MLLT10: variants seen among roughly 807,000 people sequenced by gnomAD.
MLLT10 encodes MLLT10 histone lysine methyltransferase DOT1L cofactor, also known as protein AF-10.
In MLLT10, 30 loss-of-function variants were observed where a neutral mutation model predicts 129.1. The observed-to-expected ratio is 0.23, with a 90% CI of 0.17 to 0.32. The LOEUF is 0.32. MLLT10 is among the 10% of genes least tolerant of loss of function. The pLI, the probability that MLLT10 is intolerant of heterozygous loss-of-function variation, is 1.00. For missense variants in MLLT10, 1,119 were observed against 1,268.3 expected, an observed-to-expected ratio of 0.88 and a Z score of 1.79; for synonymous variants, 490 against 446.4, an observed-to-expected ratio of 1.10 and a Z score of -1.23.
Position 21,673,499 on chromosome 10 carries a change from A to G in MLLT10, c.1201A>G (p.Lys401Glu). 5.6e-6 allele frequency: 9 copies of G among 1,613,952 alleles called. No individual in the cohort carries two copies. The highest frequency in any genetic ancestry group is 7.6e-6 in the Non-Finnish European group (9 of 1,179,992). Reference sequence around the variant, plus strand: ...GTCATCAGCAACCAAAGATGTACATAAAGGAGAGTCTGGAAGCCAGGAAGG... The same window carrying G: ...GTCATCAGCAACCAAAGATGTACATGAAGGAGAGTCTGGAAGCCAGGAAGG... ...QQSSATKDVH[K>E]GESGSQEGGV... Residue 401 changes from lysine (K) to glutamate (E), a missense_variant, in exon 11 of 23, where the codon AAA becomes GAA. Around this residue, in one of 5 missense-constraint regions of MLLT10, gnomAD observed 1,004 missense variants for 1,008.7 expected, o/e 1.00. Coordinates refer to ENST00000307729, the MANE Select transcript of MLLT10 (RefSeq NM_001195626.3).
At chr10:21,640,218 TATATA>T (rs2047859158) in intron 8 of MLLT10, among the ~76,000 whole-genome samples, 2 of 135,888 alleles carry the variant, frequency 1.5e-5, no homozygotes, top group South Asian at 2.1e-4. Flanking sequence ...TATATTATAT[TATATA>T]TTATATATTA....
At chr10:21,563,218 A>G (rs1467561439) in intron 3 of MLLT10, among the ~76,000 whole-genome samples, 1 of 152,032 alleles carries the variant, frequency 6.6e-6, no homozygotes, top group East Asian at 1.9e-4. Context: ...TATAAATGGG[A>G]TGATAGAACT....
chr10:21,733,214 G>C, intron 18 of MLLT10, 127 bp downstream of exon 18: 1 of 932,072 alleles, frequency 1.1e-6, no homozygotes, highest in Non-Finnish European at 1.6e-6. Context: ...GGTTGTTTTT[G>C]AAGGGCATAA....
intron 1 of MLLT10, 51 bp from the exon 2 acceptor site, chr10:21,534,594 C>T: frequency 6.4e-7 from 1 of 1,569,424 alleles, no homozygotes; most frequent in Non-Finnish European, 8.7e-7. Context: ...GGGGGGGAAG[C>T]ACTAATCGGC....
At chr10:21,739,144 C>T (rs2058627288) in intron 21 of MLLT10, among the ~76,000 whole-genome samples, 1 of 152,200 alleles carries the variant, frequency 6.6e-6, no homozygotes, top group Admixed American at 6.5e-5. Context: ...GACTGTGCCA[C>T]TTCTCAAAAC....
At chr10:21,625,119 C>T in intron 8 of MLLT10, 4 of 979,016 alleles carry the variant, frequency 4.1e-6, no homozygotes, top group East Asian at 4.8e-5. Flanking sequence ...TCCACCTCTC[C>T]CCCAACCTCT....
intron 8 of MLLT10, among the ~76,000 whole-genome samples, chr10:21,632,914 A>G (rs1252776884): frequency 2.6e-5 from 4 of 152,176 alleles, no homozygotes; most frequent in Non-Finnish European, 5.9e-5. Flanking sequence ...ATAATACATA[A>G]CCTGATTTTA....
At chr10:21,685,561 C>T (rs373206198) in intron 13 of MLLT10, among the ~76,000 whole-genome samples, 1 of 152,138 alleles carries the variant, frequency 6.6e-6, no homozygotes, top group Non-Finnish European at 1.5e-5. Context: ...TCTCAAACTC[C>T]TAGACTCAAG....
intron 21 of MLLT10, among the ~76,000 whole-genome samples, chr10:21,737,943 G>A (rs2058510442): frequency 6.6e-6 from 1 of 152,126 alleles, no homozygotes; most frequent in Non-Finnish European, 1.5e-5. Context: ...TTAGAGTGGT[G>A]TTAAAGGCAC....
chr10:21,713,004 C>A (rs1305825766), intron 13 of MLLT10, among the ~76,000 whole-genome samples: 2 of 152,166 alleles, frequency 1.3e-5, no homozygotes, highest in Non-Finnish European at 2.9e-5. Flanking sequence ...CCACCATTTC[C>A]CACCTTATTT....
At chr10:21,713,005 C>T (rs892685931) in intron 13 of MLLT10, among the ~76,000 whole-genome samples, 1 of 152,192 alleles carries the variant, frequency 6.6e-6, no homozygotes, top group African/African-American at 2.4e-5. Flanking sequence ...CACCATTTCC[C>T]ACCTTATTTC....
At chr10:21,569,759 G>A (rs772346753) in intron 3 of MLLT10, among the ~76,000 whole-genome samples, 2 of 150,368 alleles carry the variant, frequency 1.3e-5, no homozygotes, top group Non-Finnish European at 1.5e-5. Flanking sequence ...TGTAGAGACC[G>A]GGTCTTCCTG....
intron 3 of MLLT10, among the ~76,000 whole-genome samples, chr10:21,541,012 T>C (rs1169782598): frequency 6.6e-6 from 1 of 151,952 alleles, no homozygotes; most frequent in African/African-American, 2.4e-5. Flanking sequence ...ATACAAAAAT[T>C]AGCTGGGTGT....
At chr10:21,653,059 G>T (rs2049207328) in intron 9 of MLLT10, among the ~76,000 whole-genome samples, 1 of 152,224 alleles carries the variant, frequency 6.6e-6, no homozygotes, top group South Asian at 2.1e-4. Flanking sequence ...AAGGAATTCA[G>T]TTTGGGATGT....
intron 13 of MLLT10, among the ~76,000 whole-genome samples, chr10:21,684,967 T>C (rs1340642409): frequency 6.6e-6 from 1 of 152,200 alleles, no homozygotes; most frequent in Non-Finnish European, 1.5e-5. Context: ...AAACTAAGTG[T>C]AGTTGCATTT....
At chr10:21,587,036 C>G (rs996047840) in intron 4 of MLLT10, among the ~76,000 whole-genome samples, 9 of 150,784 alleles carry the variant, frequency 6.0e-5, no homozygotes, top group African/African-American at 1.5e-4. Flanking sequence ...TATCTCTAGA[C>G]AGATGATGTT....
At chr10:21,734,749 T>C (rs1042472917) in intron 20 of MLLT10, among the ~76,000 whole-genome samples, 3 of 152,336 alleles carry the variant, frequency 2.0e-5, no homozygotes, top group Admixed American at 1.3e-4. Flanking sequence ...TAGAAAAGGA[T>C]AGGTCAAATC....
In MLLT10 at chr10:21,742,230, A is replaced by ATAAC; in HGVS notation, c.*249_*252dup. ...TTTTTGAACATGGAAAGAAAATTTAATAACTTTTTAAAGTGACATAATTTA... is the reference window on the plus strand; with the variant it reads ...TTTTTGAACATGGAAAGAAAATTTAATAACTAACTTTTTAAAGTGACATAATTTA... On this transcript the variant is annotated 3_prime_UTR_variant, in exon 23 of 23. Coordinates refer to ENST00000307729, the MANE Select transcript of MLLT10 (RefSeq NM_001195626.3). 2.5e-6 allele frequency: 1 copy of ATAAC among 403,732 alleles called. No homozygotes were observed. The highest frequency in any genetic ancestry group is 4.3e-5 in the Admixed American group (1 of 23,130). The allele number at this position is 403,732 out of a possible 1,614,324, so 25.0% of individuals were successfully genotyped here. A position where few individuals can be genotyped will look rare whatever the true frequency, so the allele number is the denominator to read the frequency against.
At chr10:21,716,978 C>T (rs1564707731) in intron 14 of MLLT10, among the ~76,000 whole-genome samples, 2 of 151,442 alleles carry the variant, frequency 1.3e-5, no homozygotes, top group African/African-American at 4.9e-5. Context: ...TTCCCTGGGC[C>T]GGGCGCAGTG....
Sources: gnomAD v4.1 joint callset for allele counts (sites outside exome capture counted in the v4.1 genomes callset) on GRCh38, gnomAD v4.1.1 for gene constraint, gnomAD v4.1.1 regional missense constraint, MANE v1.5 for transcripts, NCBI Gene and HGNC (gene_info 2026-07-23, HGNC 2026-07-21) for gene names.